Variants in INPP4B observed in about 807,000 individuals in gnomAD.
The protein encoded by INPP4B is inositol polyphosphate 4-phosphatase type II.
In INPP4B, 55 loss-of-function variants were observed where a neutral mutation model predicts 122.5. That is an observed-to-expected ratio of 0.45 (90% CI 0.36 to 0.56). INPP4B has a LOEUF of 0.56. Among genes scored for constraint, INPP4B ranks in the 20% least tolerant of loss-of-function variants. The pLI is 0.00. For synonymous variants in INPP4B, 403 were observed against 388.7 expected, an observed-to-expected ratio of 1.04 and a Z score of -0.43; for missense variants, 1,000 against 1,097.7, an observed-to-expected ratio of 0.91 and a Z score of 1.26.
intron 7 of INPP4B, among the ~76,000 whole-genome samples, chr4:142,348,643 C>T (rs990033201): frequency 9.2e-5 from 14 of 152,022 alleles, no homozygotes; most frequent in Admixed American, 2.6e-4. Context: ...AGCTTGGTGA[C>T]ACATTAATCT....
At chr4:142,648,082 T>G (rs1256650098) in intron 2 of INPP4B, among the ~76,000 whole-genome samples, 1 of 152,252 alleles carries the variant, frequency 6.6e-6, no homozygotes, top group East Asian at 1.9e-4. Context: ...CTGCTTCTCT[T>G]CACCATCTCC....
intron 14 of INPP4B, among the ~76,000 whole-genome samples, chr4:142,198,145 TA>T (rs11353335): frequency 0.99 from 151,093 of 152,090 alleles, 75,056 homozygotes; most frequent in Middle Eastern, 1. Flanking sequence ...TTTATAAAAA[TA>T]AAAAAAATGA....
In INPP4B at chr4:142,173,742, T is replaced by G. The variant is rs750255766; in HGVS notation, c.1249A>C (p.Ile417Leu). ...GCTATAAGAGGTTGTAGTTGATTGA[T>G]GTTGCTGAGAACTTCCTTTGCTTTG... ...TAKAKEVLSN[I>L]NQLQPLIATH... The change falls in exon 16 of 26, where the codon ATC (isoleucine) becomes CTC (leucine). Residue 417 changes from isoleucine to leucine, a missense_variant. Ile to Leu is a conservative substitution (Grantham distance 5). Transcript: ENST00000262992. 6.2e-7 allele frequency: 1 copy of G among 1,613,392 alleles called. No individual in the cohort carries two copies. Among genetic ancestry groups the G allele is most frequent in the Non-Finnish European group, 8.5e-7 (1 of 1,179,518 alleles).
chr4:142,101,708 T>A (rs1784549441), intron 23 of INPP4B, among the ~76,000 whole-genome samples: 1 of 152,172 alleles, frequency 6.6e-6, no homozygotes, highest in Non-Finnish European at 1.5e-5. Context: ...TTTACCCTCA[T>A]GTGTATCAAT....
chr4:142,135,853 G>A (rs1275183560), intron 18 of INPP4B, among the ~76,000 whole-genome samples: 6 of 152,096 alleles, frequency 3.9e-5, no homozygotes, highest in African/African-American at 1.4e-4. Flanking sequence ...CTGGAGTGCA[G>A]TGGTGCGATC....
At chr4:142,300,049 C>A (rs1760744894) in intron 9 of INPP4B, among the ~76,000 whole-genome samples, 3 of 152,056 alleles carry the variant, frequency 2.0e-5, no homozygotes, top group Admixed American at 2.0e-4. Flanking sequence ...AATAGAAAAT[C>A]AAAAGTCTAA....
intron 2 of INPP4B, among the ~76,000 whole-genome samples, chr4:142,513,650 C>T (rs1487166866): frequency 6.6e-6 from 1 of 152,150 alleles, no homozygotes; most frequent in Admixed American, 6.5e-5. Context: ...TCAGGTGATC[C>T]ACTTGCCTCG....
chr4:142,720,771 C>A (rs1336864832), intron 2 of INPP4B, among the ~76,000 whole-genome samples: 193 of 12,788 alleles, frequency 0.015, 9 homozygotes, highest in East Asian at 0.049. Context: ...ATCTCTCTCT[C>A]TCTCTCTCTC....
In INPP4B at chr4:142,023,588, A is replaced by G. The variant is rs1225499116; in HGVS notation, c.*5194T>C. 3.3e-5 allele frequency: 5 copies of G among 152,220 alleles called. No homozygotes were observed. Among genetic ancestry groups the G allele is most frequent in the African/African-American group, 1.2e-4 (5 of 41,456 alleles). 9.4% of individuals were successfully genotyped at this position (152,220 alleles called of 1,614,324 possible). A position where few individuals can be genotyped will look rare whatever the true frequency, so the allele number is the denominator to read the frequency against. Reference sequence around the variant, plus strand: ...ACATCACAAGAATTATCTAGATAATATAGCAATATTGCCAAAATTTGAGTC... The same window carrying G: ...ACATCACAAGAATTATCTAGATAATGTAGCAATATTGCCAAAATTTGAGTC... On this transcript the variant is annotated 3_prime_UTR_variant, in exon 26 of 26. Transcript: ENST00000262992.
intron 9 of INPP4B, among the ~76,000 whole-genome samples, chr4:142,303,194 C>T (rs1333327014): frequency 6.6e-6 from 1 of 152,070 alleles, no homozygotes; most frequent in Non-Finnish European, 1.5e-5. Context: ...ACGGAAGCTA[C>T]ATAAATCACA....
At chr4:142,121,280 T>C (rs1359858272) in intron 21 of INPP4B, among the ~76,000 whole-genome samples, 1 of 152,130 alleles carries the variant, frequency 6.6e-6, no homozygotes, top group African/African-American at 2.4e-5. Flanking sequence ...GTTCTGGGTA[T>C]CCTTCATAAC....
At chr4:142,076,491 ACT>A (rs1020522620) in intron 25 of INPP4B, among the ~76,000 whole-genome samples, 4 of 151,578 alleles carry the variant, frequency 2.6e-5, no homozygotes, top group Non-Finnish European at 2.9e-5. Flanking sequence ...GATGAAGGTG[ACT>A]CTCTCTCTCA....
intron 7 of INPP4B, among the ~76,000 whole-genome samples, chr4:142,340,095 A>G (rs776978616): frequency 5.3e-5 from 8 of 152,196 alleles, no homozygotes; most frequent in Non-Finnish European, 8.8e-5. Flanking sequence ...TATATTTAAT[A>G]CCACTAAAAG....
At chr4:142,456,114 A>G (rs1266593981) in intron 3 of INPP4B, among the ~76,000 whole-genome samples, 1 of 151,918 alleles carries the variant, frequency 6.6e-6, no homozygotes, top group East Asian at 1.9e-4. Flanking sequence ...GTCTCTTCAT[A>G]TTATAGACTG....
At chr4:142,754,886 T>C (rs1442191385) in intron 1 of INPP4B, among the ~76,000 whole-genome samples, 2 of 152,018 alleles carry the variant, frequency 1.3e-5, no homozygotes, top group African/African-American at 4.8e-5. Context: ...GGCCCAGCAA[T>C]AGACTGACAT....
At chr4:142,258,051 A>C (rs1382823345) in intron 11 of INPP4B, among the ~76,000 whole-genome samples, 5 of 151,648 alleles carry the variant, frequency 3.3e-5, no homozygotes, top group East Asian at 1.9e-4. Flanking sequence ...TAACGCCGCA[A>C]ATCTACAACT....
intron 2 of INPP4B, among the ~76,000 whole-genome samples, chr4:142,719,416 C>T (rs769401823): frequency 2.0e-5 from 3 of 151,864 alleles, no homozygotes; most frequent in African/African-American, 4.8e-5. Context: ...CTCAACCTCT[C>T]GGGGGTTAGG....
chr4:142,394,192 G>A (rs1798617692), intron 7 of INPP4B, among the ~76,000 whole-genome samples: 1 of 152,036 alleles, frequency 6.6e-6, no homozygotes, highest in Non-Finnish European at 1.5e-5. Flanking sequence ...GTCGCCCAGG[G>A]TAGAGTGCTG....
intron 25 of INPP4B, among the ~76,000 whole-genome samples, chr4:142,079,208 A>G (rs1271847438): frequency 6.6e-6 from 1 of 152,052 alleles, no homozygotes. Context: ...CATACTGCAT[A>G]GTGCTGAAGT....
Sources: allele counts gnomAD v4.1 joint callset (sites outside exome capture counted in the v4.1 genomes callset), GRCh38; gene constraint gnomAD v4.1.1; transcripts MANE v1.5; gene names NCBI Gene and HGNC (gene_info 2026-07-23, HGNC 2026-07-21).